CACNA1C: variants seen among roughly 807,000 people sequenced by gnomAD.
CACNA1C encodes voltage-dependent L-type calcium channel subunit alpha-1C.
CACNA1C carries 30 observed loss-of-function variants against 229.0 expected under a neutral mutation model. The observed-to-expected ratio is 0.13, with a 90% CI of 0.10 to 0.18. The LOEUF (loss-of-function observed/expected upper bound fraction) is 0.18. CACNA1C is among the 10% of genes least tolerant of loss of function. CACNA1C has a pLI of 1.00. For synonymous variants in CACNA1C, 1,114 were observed against 1,132.5 expected (o/e 0.98, Z 0.33); for missense variants, 1,658 against 2,845.0 (o/e 0.58, Z 9.49).
chr12:2,339,945 A>C (rs1326877072), intron 3 of CACNA1C, among the ~76,000 whole-genome samples: 38 of 150,892 alleles, frequency 2.5e-4, no homozygotes, highest in Admixed American at 2.4e-3. Context: ...GCAAATATGG[A>C]AATATATTTT....
rs190473324 is a variant in CACNA1C at position 2,245,931 on chromosome 12, A to G, written c.477+125501A>G. Among the ~76,000 whole-genome samples the G allele has an allele frequency of 5.9e-5, 9 of 152,324 alleles. No individual in the cohort carries two copies. In the East Asian group the frequency reaches 1.5e-3, roughly 26 times the overall value. On this transcript the variant is annotated intron_variant, in intron 3 of 46. Coordinates refer to ENST00000399655, the MANE Select transcript of CACNA1C (RefSeq NM_000719.7). ...ATGCATTTGGCCCCAAGGGTTTCCA[A>G]TAAGGGACCGTGGAGCTCTAGAAGG...
chr12:2,470,920 C>A (rs550556208), intron 5 of CACNA1C, among the ~76,000 whole-genome samples: 6 of 151,984 alleles, frequency 3.9e-5, no homozygotes, highest in Non-Finnish European at 7.4e-5. Context: ...GCAACCACCC[C>A]CTCCCGGGTT....
chr12:2,185,647 T>A (rs1409826592), intron 3 of CACNA1C, among the ~76,000 whole-genome samples: 1 of 152,210 alleles, frequency 6.6e-6, no homozygotes, highest in Non-Finnish European at 1.5e-5. Flanking sequence ...CTGCAAGCCA[T>A]GGCGGGAGGC....
chr12:1,991,611 T>C (rs2039443637), intron 1 of CACNA1C: 1 of 204,120 alleles, frequency 4.9e-6, no homozygotes, highest in Non-Finnish European at 9.9e-6. Context: ...CAGCTCCGTT[T>C]AGACTAGCCA....
intron 4 of CACNA1C, among the ~76,000 whole-genome samples, chr12:2,453,673 C>T (rs760607860): frequency 2.5e-4 from 38 of 152,174 alleles, no homozygotes; most frequent in African/African-American, 2.2e-4. Context: ...CTCACCACCC[C>T]GCTGCAGAAA....
chr12:2,167,535 A>C (rs1156777341), intron 3 of CACNA1C, among the ~76,000 whole-genome samples: 2 of 152,214 alleles, frequency 1.3e-5, no homozygotes, highest in Non-Finnish European at 2.9e-5. Flanking sequence ...GAACTCAAAC[A>C]CCAAACTATC....
intron 1 of CACNA1C, among the ~76,000 whole-genome samples, chr12:2,000,774 C>T (rs1419960880): frequency 2.0e-5 from 3 of 152,182 alleles, no homozygotes; most frequent in Non-Finnish European, 2.9e-5. Flanking sequence ...CAGGGGCTCA[C>T]GCCTGTAACC....
At chr12:2,310,934 C>G (rs545120189) in intron 3 of CACNA1C, among the ~76,000 whole-genome samples, 2 of 152,266 alleles carry the variant, frequency 1.3e-5, no homozygotes, top group East Asian at 1.9e-4. Flanking sequence ...TCAGCAGAAC[C>G]CAGGGCTGAT....
At chr12:2,680,564 C>G (rs948187378) in intron 42 of CACNA1C, 1 of 1,564,644 alleles carries the variant, frequency 6.4e-7, no homozygotes, top group African/African-American at 1.4e-5. Flanking sequence ...GCACAGCCCC[C>G]CAGCATGCCA....
chr12:2,435,289 G>C lies in CACNA1C; in HGVS notation c.478-13687G>C, dbSNP rs114505733. 6.6e-3 allele frequency among the ~76,000 whole-genome samples: 1,001 copies of C among 152,316 alleles called. 12 individuals are homozygous for C. The highest frequency in any genetic ancestry group is 0.018 in the African/African-American group (733 of 41,570). ...CGCCTTTTCTCCAAATCCTTAAACTGCCGATTACCAGCAGGGCTCATGTGG... is the reference window on the plus strand; with the variant it reads ...CGCCTTTTCTCCAAATCCTTAAACTCCCGATTACCAGCAGGGCTCATGTGG... On this transcript the variant is annotated intron_variant, in intron 3 of 46. Transcript: ENST00000399655.
At chr12:2,208,714 T>C (rs1334664700) in intron 3 of CACNA1C, among the ~76,000 whole-genome samples, 1 of 152,146 alleles carries the variant, frequency 6.6e-6, no homozygotes, top group Non-Finnish European at 1.5e-5. Context: ...CAGCCCAAAT[T>C]GGACCCCAGG....
rs112909584 is a variant in CACNA1C at position 2,457,136 on chromosome 12, G to C, written c.618-431G>C. ...CATGGGCCAGGAACAAGTCAAAGAG[G>C]GGGGGTATCTAGAAGGAAGGAGGTG... On this transcript the variant is annotated intron_variant, in intron 4 of 46. Coordinates refer to ENST00000399655, the MANE Select transcript of CACNA1C (RefSeq NM_000719.7). Among the ~76,000 whole-genome samples the C allele has an allele frequency of 8.7e-3, 1,332 of 152,312 alleles. 22 individuals are homozygous for C. Among genetic ancestry groups the C allele is most frequent in the African/African-American group, 0.03 (1,237 of 41,584 alleles).
chr12:2,110,099 C>T (rs1026539831), intron 1 of CACNA1C, among the ~76,000 whole-genome samples: 1 of 152,172 alleles, frequency 6.6e-6, no homozygotes, highest in Non-Finnish European at 1.5e-5. Flanking sequence ...TCCCCAGCAC[C>T]AAGCCCCTCA....
chr12:2,574,529 C>T (rs965871003), intron 13 of CACNA1C, among the ~76,000 whole-genome samples: 8 of 152,220 alleles, frequency 5.3e-5, no homozygotes, highest in Admixed American at 2.0e-4. Context: ...AGCTCCCTTC[C>T]CAGGCCTTGA....
intron 1 of CACNA1C, among the ~76,000 whole-genome samples, chr12:2,069,162 A>AT (rs1184441957): frequency 4.6e-5 from 7 of 152,148 alleles, no homozygotes; most frequent in Non-Finnish European, 7.3e-5. Flanking sequence ...TTCTTCAGAG[A>AT]CCTGTAGACA....
Position 2,632,754 on chromosome 12 carries a change from CG to C in CACNA1C, c.3829-1542del, listed in dbSNP as rs1568939428. 6.6e-6 allele frequency among the ~76,000 whole-genome samples: 1 copy of C among 152,162 alleles called. No homozygotes were observed. The stretch of plus-strand genomic sequence containing the variant: ...TCCTCAGGAAACGCTTTGATCACCG[CG>C]TGCCCTCTGCGCGGCGTCTGCATTC... On this transcript the variant is annotated intron_variant, in intron 29 of 46. Coordinates refer to ENST00000399655, the MANE Select transcript of CACNA1C (RefSeq NM_000719.7). The surrounding 1 kb of genome is among the most constrained non-coding windows in gnomAD (Gnocchi z 4.1).
intron 3 of CACNA1C, among the ~76,000 whole-genome samples, chr12:2,420,102 G>GGTGTGCGTGTGTGTGTGTGTGTGT (rs2098960916): frequency 3.2e-5 from 4 of 125,430 alleles, no homozygotes; most frequent in Non-Finnish European, 4.9e-5. Context: ...TAGGCAAAAT[G>GGTGTGCGTGTGTGTGTGTGTGTGT]GTGTGTGTGT....
chr12:2,682,595 G>A lies in CACNA1C; in HGVS notation c.5490G>A (p.Glu1830=). Residue 1830 remains glutamate, a synonymous_variant, in exon 43 of 47, where the codon GAG becomes GAA. Transcript: ENST00000399655. ...AGGCAGCCATGGCGGGTCAGGAGGA[G>A]ACGTCTCAGGATGAGACCTATGAAG... ...ESQAAMAGQE[E]TSQDETYEVK... 1 of 1,612,494 alleles carries A rather than the reference G, an allele frequency of 6.2e-7. No homozygotes were observed. The highest frequency in any genetic ancestry group is 8.5e-7 in the Non-Finnish European group (1 of 1,179,424).
chr12:2,550,695 G>T (rs757874346), intron 10 of CACNA1C: 2 of 1,317,846 alleles, frequency 1.5e-6, no homozygotes, highest in South Asian at 1.2e-5. Flanking sequence ...CTCCACCTGG[G>T]GGGCGGGGCA....
Sources: gnomAD v4.1 joint callset for allele counts (sites outside exome capture counted in the v4.1 genomes callset) on GRCh38, gnomAD v4.1.1 for gene constraint, Gnocchi (gnomAD v3.1) non-coding constraint, MANE v1.5 for transcripts, NCBI Gene and HGNC (gene_info 2026-07-23, HGNC 2026-07-21) for gene names.